Variants in CDK17 observed in about 807,000 individuals in gnomAD.
The protein encoded by CDK17 is cyclin-dependent kinase 17.
In CDK17, 24 loss-of-function variants were observed where a neutral mutation model predicts 77.6. That is an observed-to-expected ratio of 0.31 (90% CI 0.22 to 0.44). CDK17 has a LOEUF of 0.44. Ranked by LOEUF, CDK17 falls within the 20% of genes least tolerant of loss-of-function variation. CDK17 has a pLI of 1.00. For missense variants in CDK17, 429 were observed against 622.5 expected, an observed-to-expected ratio of 0.69 and a Z score of 3.31; for synonymous variants, 203 against 210.4, an observed-to-expected ratio of 0.96 and a Z score of 0.30.
chr12:96,295,122 G>T lies in CDK17; in HGVS notation c.874C>A (p.Leu292Met). The stretch of plus-strand genomic sequence containing the variant: ...CCACGTAGAATTTGGTACAGAAACA[G>T]CTACAGAAACAAATAAATAAAAATT... ...GNIMSMHNVK[L>M]FLYQILRGLA... The change falls in exon 10 of 17, where the codon CTG (leucine) becomes ATG (methionine). Residue 292 changes from leucine (L) to methionine (M), a missense_variant and splice_region_variant. Coordinates refer to ENST00000261211, the MANE Select transcript of CDK17 (RefSeq NM_002595.5). 1 of 1,594,998 alleles carries T rather than the reference G, an allele frequency of 6.3e-7. No homozygotes were observed. Among genetic ancestry groups the T allele is most frequent in the Non-Finnish European group, 8.5e-7 (1 of 1,172,946 alleles).
At chr12:96,375,510 C>T (rs1282743314) in intron 1 of CDK17, among the ~76,000 whole-genome samples, 1 of 101,586 alleles carries the variant, frequency 9.8e-6, no homozygotes, top group African/African-American at 3.8e-5. Context: ...TGATCCTAAC[C>T]TTTTTTTTTT....
chr12:96,335,075 A>G (rs553669539), intron 1 of CDK17: 2 of 611,424 alleles, frequency 3.3e-6, no homozygotes, highest in Admixed American at 2.1e-5. Flanking sequence ...GAAGAGCAGG[A>G]ATTCCATGTA....
intron 5 of CDK17, among the ~76,000 whole-genome samples, chr12:96,304,099 T>C (rs543976703): frequency 2.0e-5 from 3 of 152,210 alleles, no homozygotes; most frequent in Non-Finnish European, 4.4e-5. Flanking sequence ...AAAATAATCA[T>C]ACTGGCATTG....
intron 2 of CDK17, among the ~76,000 whole-genome samples, chr12:96,332,617 C>T (rs1952988552): frequency 6.6e-6 from 1 of 152,132 alleles, no homozygotes; most frequent in Non-Finnish European, 1.5e-5. Context: ...AATCCATGTG[C>T]TATTACAGAG....
chr12:96,313,334 C>A lies in CDK17; in HGVS notation c.404G>T (p.Arg135Leu). The change falls in exon 4 of 17, where the codon CGG becomes CTG. Residue 135 changes from arginine to leucine, a missense_variant. Coordinates refer to ENST00000261211, the MANE Select transcript of CDK17 (RefSeq NM_002595.5). The part of the protein sequence containing the change: ...GVCLRNRIHR[R>L]ISMEDLNKRL... ...TTAAATGATTACCTCCATTGAGATC[C>A]GTCTATGTATACGATTTCTGAGACA... is the stretch of plus-strand genomic sequence containing the variant. The A allele has an allele frequency of 6.3e-7, 1 of 1,581,974 alleles. No individual in the cohort carries two copies. Among genetic ancestry groups the A allele is most frequent in the Admixed American group, 1.9e-5 (1 of 53,070 alleles).
rs1055149241 is a variant in CDK17 at position 96,315,925 on chromosome 12, C to T, written c.284-2471G>A. Among the ~76,000 whole-genome samples, 19 of 151,722 alleles carry T rather than the reference C, an allele frequency of 1.3e-4. 1 individual carries two copies. The highest frequency in any genetic ancestry group is 4.6e-4 in the Admixed American group (7 of 15,236). On this transcript the variant is annotated intron_variant, in intron 3 of 16. Transcript: ENST00000261211. The stretch of plus-strand genomic sequence containing the variant: ...CTACACTTTTGAGACTTACAGGGTA[C>T]ATTTAAAAAAAAAATCAGAGGGAGG...
At chr12:96,334,616 A>G (rs1953016069) in intron 2 of CDK17, 103 bp downstream of exon 2, 1 of 655,656 alleles carries the variant, frequency 1.5e-6, no homozygotes, top group Non-Finnish European at 2.7e-6. Context: ...AGACAGAAAT[A>G]AACAAAGGGA....
chr12:96,286,566 T>C (rs1952249057), intron 12 of CDK17, 98 bp downstream of exon 12: 3 of 773,306 alleles, frequency 3.9e-6, no homozygotes, highest in Non-Finnish European at 6.5e-6. Flanking sequence ...TATGTTAGTC[T>C]CAGTATCTAA....
chr12:96,387,532 TAAAC>T (rs1262335030), intron 1 of CDK17, among the ~76,000 whole-genome samples: 1 of 152,200 alleles, frequency 6.6e-6, no homozygotes, highest in Non-Finnish European at 1.5e-5. Context: ...TATATAATAG[TAAAC>T]AATAATATAA....
intron 5 of CDK17, among the ~76,000 whole-genome samples, chr12:96,300,616 C>T (rs1024027393): frequency 2.0e-5 from 3 of 152,102 alleles, no homozygotes; most frequent in Admixed American, 6.5e-5. Flanking sequence ...AGGCTGTTCT[C>T]GAACTCCTGA....
intron 11 of CDK17, 78 bp from the exon 12 acceptor site, chr12:96,286,839 C>T (rs972314984): frequency 6.5e-6 from 8 of 1,223,026 alleles, no homozygotes; most frequent in Admixed American, 3.6e-5. Flanking sequence ...CTTAAGGTTG[C>T]CTCTCTGCAG....
chr12:96,297,447 C>T, intron 8 of CDK17, 115 bp from the exon 9 acceptor site: 1 of 752,252 alleles, frequency 1.3e-6, no homozygotes. Context: ...ACTGGATGCA[C>T]CATACACATA....
chr12:96,376,837 A>T (rs1953788583), intron 1 of CDK17, among the ~76,000 whole-genome samples: 1 of 152,216 alleles, frequency 6.6e-6, no homozygotes, highest in Non-Finnish European at 1.5e-5. Flanking sequence ...TCTAAAAAGG[A>T]ATCCTATAAG....
chr12:96,354,380 C>A (rs1180536478), intron 1 of CDK17, among the ~76,000 whole-genome samples: 2 of 152,212 alleles, frequency 1.3e-5, no homozygotes, highest in Non-Finnish European at 2.9e-5. Context: ...TATCTCTACT[C>A]CTTCAAACTC....
intron 11 of CDK17, 113 bp from the exon 12 acceptor site, chr12:96,286,874 A>T: frequency 1.4e-6 from 1 of 725,280 alleles, no homozygotes; most frequent in Non-Finnish European, 2.3e-6. Context: ...CTGTCGGAAA[A>T]CCTCTTGAAG....
intron 16 of CDK17, 145 bp downstream of exon 16, chr12:96,280,663 G>A (rs897024114): frequency 1.0e-5 from 15 of 1,440,004 alleles, no homozygotes; most frequent in Admixed American, 2.8e-5. Context: ...AAGTGAGTAC[G>A]TGCAATGCTA....
At chr12:96,363,499 G>T (rs1256639162) in intron 1 of CDK17, among the ~76,000 whole-genome samples, 2 of 148,840 alleles carry the variant, frequency 1.3e-5, no homozygotes, top group African/African-American at 5.0e-5. Context: ...GGGTTCCACA[G>T]AACTCTAGTA....
intron 1 of CDK17, 69 bp downstream of exon 1, chr12:96,399,917 A>G: frequency 1.9e-5 from 6 of 320,218 alleles, no homozygotes. Flanking sequence ...TGTCCCACGC[A>G]GCCTCCCGGC....
chr12:96,399,897 C>T (rs1487710447), intron 1 of CDK17, 89 bp downstream of exon 1: 1 of 321,410 alleles, frequency 3.1e-6, no homozygotes, highest in African/African-American at 2.2e-5. Context: ...GTAGCCCCCG[C>T]CCCCGCCTCT....
Sources: gnomAD v4.1 joint callset for allele counts (sites outside exome capture counted in the v4.1 genomes callset) on GRCh38, gnomAD v4.1.1 for gene constraint, MANE v1.5 for transcripts, NCBI Gene and HGNC (gene_info 2026-07-23, HGNC 2026-07-21) for gene names.